COX7C: variants seen among roughly 807,000 people sequenced by gnomAD.
COX7C encodes cytochrome c oxidase subunit 7C, mitochondrial.
COX7C carries 1 observed loss-of-function variant against 6.4 expected under a neutral mutation model. That is an observed-to-expected ratio of 0.16 (90% CI 0.06 to 0.74). The LOEUF is 0.74. COX7C is among the 30% of genes least tolerant of loss of function. COX7C has a pLI of 0.78. For missense variants in COX7C, 54 were observed against 73.7 expected (o/e 0.73, Z 0.98); for synonymous variants, 24 against 28.9 (o/e 0.83, Z 0.54).
chr5:86,618,162 G>C, intron 1 of COX7C, 32 bp downstream of exon 1: 1 of 1,607,298 alleles, frequency 6.2e-7, no homozygotes, highest in Non-Finnish European at 8.5e-7. Context: ...CTTCGTTGGG[G>C]GAGGGGGCGC....
intron 1 of COX7C, 44 bp from the exon 2 acceptor site, chr5:86,619,309 T>G: frequency 8.5e-7 from 1 of 1,173,836 alleles, no homozygotes; most frequent in Non-Finnish European, 1.3e-6. Context: ...AAGCAGATGA[T>G]TTGAGATTCA....
rs374859693 is a variant in COX7C at position 86,619,408 on chromosome 5, A to G, written c.131A>G (p.Tyr44Cys). Residue 44 changes from tyrosine to cysteine, a missense_variant, in exon 2 of 3, where the codon TAC becomes TGC. By Grantham distance (194) the Tyr-to-Cys change is radical. Transcript: ENST00000247655. The part of the protein sequence containing the change: ...KWSLLAKMCL[Y>C]FGSAFATPFL... ...TCGTTACTAGCTAAGATGTGTTTGTACTTTGGATCTGCATTTGCTACACCC... is the reference window on the plus strand; with the variant it reads ...TCGTTACTAGCTAAGATGTGTTTGTGCTTTGGATCTGCATTTGCTACACCC... 1 of 1,613,828 alleles carries G rather than the reference A, an allele frequency of 6.2e-7. No homozygotes were observed. Among genetic ancestry groups the G allele is most frequent in the African/African-American group, 1.3e-5 (1 of 75,038 alleles).
intron 1 of COX7C, 41 bp downstream of exon 1, chr5:86,618,171 G>T (rs199570706): frequency 6.3e-7 from 1 of 1,594,180 alleles, no homozygotes; most frequent in Non-Finnish European, 8.6e-7. Flanking sequence ...GGGAGGGGGC[G>T]CTTGGCTGTG....
intron 1 of COX7C, 178 bp downstream of exon 1, chr5:86,618,308 G>A: frequency 1.6e-6 from 1 of 615,566 alleles, no homozygotes; most frequent in Non-Finnish European, 2.9e-6. Context: ...ATCCTAGCGC[G>A]TAGCCGCTAA....
At position 86,619,338 on chromosome 5, in the gene COX7C, CT is replaced by C. The variant is rs144353141; in HGVS notation, c.76-8del. 14 of 1,526,390 alleles carry C rather than the reference CT, an allele frequency of 9.2e-6. No homozygotes were observed. The African/African-American group carries it at 9.6e-5, about 10-fold the overall frequency. The allele number at this position is 1,526,390 out of a possible 1,614,324, so 94.6% of individuals were successfully genotyped here. A position where few individuals can be genotyped will look rare whatever the true frequency, so the allele number is the denominator to read the frequency against. ...AGATTCAATTTCGATTACTTTTTCT[CT>C]TTTTTTCCAACAGAATTTGCCATTT... On this transcript the variant is annotated splice_polypyrimidine_tract_variant and intron_variant, in intron 1 of 2. Coordinates refer to ENST00000247655, the MANE Select transcript of COX7C (RefSeq NM_001867.3).
intron 2 of COX7C, chr5:86,620,202 T>A (rs1011449920): frequency 6.6e-6 from 1 of 152,492 alleles, no homozygotes; most frequent in Non-Finnish European, 1.5e-5. Flanking sequence ...TAAATGAGGA[T>A]GATTTTACAA....
chr5:86,618,159 G>C (rs1750037245), intron 1 of COX7C, 29 bp downstream of exon 1: 2 of 1,608,672 alleles, frequency 1.2e-6, no homozygotes, highest in Admixed American at 1.7e-5. Context: ...CGGCTTCGTT[G>C]GGGGAGGGGG....
chr5:86,618,166 GGGGCGCTTGGCT>G, intron 1 of COX7C, 36 bp downstream of exon 1: 1 of 1,605,136 alleles, frequency 6.2e-7, no homozygotes, highest in Non-Finnish European at 8.5e-7. Context: ...GTTGGGGGAG[GGGGCGCTTGGCT>G]GTGACTCGCG....
chr5:86,620,764 G>C lies in COX7C; in HGVS notation c.*124G>C, dbSNP rs551657381. The stretch of plus-strand genomic sequence containing the variant: ...ATGTTTGTCAATAAACTTATGACGT[G>C]AATGCTTAATGCCTCTTTTTTGAAA... On this transcript the variant is annotated 3_prime_UTR_variant, in exon 3 of 3. Transcript: ENST00000247655. 1 of 289,416 alleles carries C rather than the reference G, an allele frequency of 3.5e-6. No homozygotes were observed. The highest frequency in any genetic ancestry group is 1.3e-3 in the Middle Eastern group (1 of 780). The allele number at this position is 289,416 out of a possible 1,614,324, so 17.9% of individuals were successfully genotyped here.
At position 86,618,052 on chromosome 5, in the gene COX7C, C is replaced by G. The variant is rs754679139; in HGVS notation, c.-4C>G. ...GCGCCTTTCGCAGAGCTTCCAGCAG[C>G]GGTATGTTGGGCCAGAGCATCCGGA... On this transcript the variant is annotated 5_prime_UTR_variant, in exon 1 of 3. Transcript: ENST00000247655. The G allele has an allele frequency of 1.7e-5, 28 of 1,613,382 alleles. No individual in the cohort carries two copies. Among genetic ancestry groups the G allele is most frequent in the Non-Finnish European group, 2.3e-5 (27 of 1,179,956 alleles).
rs186488680 is a variant in COX7C at position 86,618,601 on chromosome 5, C to A, written c.75+471C>A. ...TGGGTTTGGCCTCAGGTGTAAATAA[C>A]TTAAACCACATAGCAGTAACAATCT... On this transcript the variant is annotated intron_variant, in intron 1 of 2. Transcript: ENST00000247655. 2.0e-5 allele frequency among the ~76,000 whole-genome samples: 3 copies of A among 152,248 alleles called. No individual in the cohort carries two copies. In the East Asian group the frequency reaches 5.8e-4, roughly 29 times the overall value.
chr5:86,620,833 G>C lies in COX7C; in HGVS notation c.*193G>C, dbSNP rs1370453630. ...GCCATTTGCCTACTTTATTATTTGG[G>C]TAACATTCCAGTATTACTCTCTGTG... On this transcript the variant is annotated 3_prime_UTR_variant, in exon 3 of 3. Transcript: ENST00000247655. 4.3e-6 allele frequency: 1 copy of C among 233,882 alleles called. No individual in the cohort carries two copies. Among genetic ancestry groups the C allele is most frequent in the Non-Finnish European group, 9.3e-6 (1 of 107,092 alleles). The allele number at this position is 233,882 out of a possible 1,614,324, so 14.5% of individuals were successfully genotyped here. A position where few individuals can be genotyped will look rare whatever the true frequency, so the allele number is the denominator to read the frequency against.
intron 1 of COX7C, 28 bp downstream of exon 1, chr5:86,618,158 TG>T (rs762474482): frequency 1.2e-6 from 2 of 1,610,298 alleles, no homozygotes; most frequent in African/African-American, 1.3e-5. Flanking sequence ...ACGGCTTCGT[TG>T]GGGGAGGGGG....
At chr5:86,618,252 C>A in intron 1 of COX7C, 122 bp downstream of exon 1, 1 of 866,244 alleles carries the variant, frequency 1.2e-6, no homozygotes, top group Non-Finnish European at 1.9e-6. Flanking sequence ...GGCTGAGACG[C>A]AGACTAGCAT....
At chr5:86,618,252 C>T in intron 1 of COX7C, 122 bp downstream of exon 1, 1 of 866,244 alleles carries the variant, frequency 1.2e-6, no homozygotes, top group Non-Finnish European at 1.9e-6. Flanking sequence ...GGCTGAGACG[C>T]AGACTAGCAT....
At chr5:86,618,169 G>A in intron 1 of COX7C, 39 bp downstream of exon 1, 1 of 1,601,092 alleles carries the variant, frequency 6.2e-7, no homozygotes, top group Admixed American at 1.7e-5. Context: ...GGGGGAGGGG[G>A]CGCTTGGCTG....
intron 1 of COX7C, among the ~76,000 whole-genome samples, chr5:86,618,808 GTC>G (rs1167470223): frequency 6.6e-6 from 1 of 151,954 alleles, no homozygotes; most frequent in African/African-American, 2.4e-5. Context: ...GCGAAACCCT[GTC>G]TCTACTAAAA....
intron 2 of COX7C, chr5:86,619,829 G>C (rs1358618683): frequency 5.5e-6 from 1 of 182,018 alleles, no homozygotes; most frequent in African/African-American, 2.3e-5. Flanking sequence ...TGGTGGACCA[G>C]GACTCTTGCC....
At position 86,618,103 on chromosome 5, in the gene COX7C, G is replaced by A. The variant is rs769038427; in HGVS notation, c.48G>A (p.Arg16=). Residue 16 remains arginine (R), a synonymous_variant, in exon 1 of 3, where the codon AGG becomes AGA. Transcript: ENST00000247655. Reference sequence around the variant, plus strand: ...GGTTCACAACCTCTGTGGTCCGTAGGAGCCACTATGAGGAGGGCCCTGGGA... The same window carrying A: ...GGTTCACAACCTCTGTGGTCCGTAGAAGCCACTATGAGGAGGGCCCTGGGA... ...IRRFTTSVVR[R]SHYEEGPGKN... is the part of the protein sequence containing the mutation. 1.2e-6 allele frequency: 2 copies of A among 1,614,148 alleles called. No individual in the cohort carries two copies. The highest frequency in any genetic ancestry group is 1.1e-5 in the South Asian group (1 of 91,072).
Sources: allele counts gnomAD v4.1 joint callset (sites outside exome capture counted in the v4.1 genomes callset), GRCh38; gene constraint gnomAD v4.1.1; transcripts MANE v1.5; gene names NCBI Gene and HGNC (gene_info 2026-07-23, HGNC 2026-07-21).